SSBP2: variants seen among roughly 807,000 people sequenced by gnomAD.
SSBP2 encodes single-stranded DNA-binding protein 2.
A neutral mutation model predicts 61.8 loss-of-function variants in SSBP2; 17 were observed. The ratio of observed to expected loss-of-function variants is 0.28; its 90% CI spans 0.19 to 0.41. The LOEUF is 0.41. Ranked by LOEUF, SSBP2 falls within the 10% of genes least tolerant of loss-of-function variation. The probability of loss-of-function intolerance (pLI) is 1.00; values close to 1 mark genes in which losing one functional copy is unlikely to be tolerated. For synonymous variants in SSBP2, 139 were observed against 141.3 expected (o/e 0.98, Z 0.12); for missense variants, 310 against 458.7 (o/e 0.68, Z 2.96).
At chr5:81,501,563 C>CTTTTTTTTTTTTTTTTTTTT (rs71603598) in intron 5 of SSBP2, among the ~76,000 whole-genome samples, 3 of 117,374 alleles carry the variant, frequency 2.6e-5, no homozygotes, top group Non-Finnish European at 5.4e-5. Context: ...TCTTTCTTTT[C>CTTTTTTTTTTTTTTTTTTTT]TTTTTTTTTT....
At chr5:81,474,438 T>G in intron 7 of SSBP2, 58 bp downstream of exon 7, 1 of 1,470,292 alleles carries the variant, frequency 6.8e-7, no homozygotes, top group Non-Finnish European at 9.5e-7. Context: ...CCTTAAGAGA[T>G]AAAAGATTTC....
At chr5:81,603,590 A>G (rs1033363115) in intron 4 of SSBP2, among the ~76,000 whole-genome samples, 1 of 152,232 alleles carries the variant, frequency 6.6e-6, no homozygotes, top group African/African-American at 2.4e-5. Flanking sequence ...GTCACAATGC[A>G]TATGAAAATA....
chr5:81,433,090 A>G (rs1456660666), intron 15 of SSBP2, among the ~76,000 whole-genome samples: 1 of 151,146 alleles, frequency 6.6e-6, no homozygotes, highest in Admixed American at 6.6e-5. Context: ...CCTGGCCACC[A>G]CCCCGTCTGG....
chr5:81,542,982 G>A (rs1476111680), intron 4 of SSBP2, among the ~76,000 whole-genome samples: 1 of 152,014 alleles, frequency 6.6e-6, no homozygotes, highest in African/African-American at 2.4e-5. Context: ...AGCCTCCCGA[G>A]TAGCTGGGAT....
intron 6 of SSBP2, among the ~76,000 whole-genome samples, chr5:81,481,934 T>C (rs1766021246): frequency 2.0e-5 from 3 of 151,596 alleles, no homozygotes; most frequent in Admixed American, 2.0e-4. Context: ...ACAGGCAGAG[T>C]AGATTTAGTA....
intron 4 of SSBP2, among the ~76,000 whole-genome samples, chr5:81,595,314 A>G (rs1743600016): frequency 6.6e-6 from 1 of 152,182 alleles, no homozygotes; most frequent in Admixed American, 6.5e-5. Context: ...CTCTGAATAG[A>G]CCAATAACAG....
intron 4 of SSBP2, among the ~76,000 whole-genome samples, chr5:81,558,399 G>A (rs1581018517): frequency 1.3e-5 from 2 of 152,330 alleles, no homozygotes; most frequent in Middle Eastern, 3.4e-3. Flanking sequence ...CTGGTTTGCA[G>A]ATGGCTATCT....
rs952479870 is a variant in SSBP2, at chr5:81,575,423, C to A, written c.282+40050G>T. Among the ~76,000 whole-genome samples the A allele has an allele frequency of 2.6e-5, 4 of 152,198 alleles. No individual in the cohort carries two copies. The East Asian group carries it at 7.7e-4, about 29-fold the overall frequency. On this transcript the variant is annotated intron_variant, in intron 4 of 16. Transcript: ENST00000320672. Reference sequence around the variant, plus strand: ...GTTAAATGCATTAAAGTAGAAGGTTCTTTCATAGCACAGGAAATGGTAATA... The same window carrying A: ...GTTAAATGCATTAAAGTAGAAGGTTATTTCATAGCACAGGAAATGGTAATA...
intron 6 of SSBP2, among the ~76,000 whole-genome samples, chr5:81,476,484 A>G (rs1243601197): frequency 6.6e-6 from 1 of 152,152 alleles, no homozygotes; most frequent in Non-Finnish European, 1.5e-5. Context: ...CTTAAATTCT[A>G]CAGCATGGTG....
At position 81,414,479 on chromosome 5, in the gene SSBP2, T is replaced by C. The variant is rs538821997; in HGVS notation, c.*6025A>G. 1.3e-5 allele frequency: 2 copies of C among 152,316 alleles called. No homozygotes were observed. Among genetic ancestry groups the C allele is most frequent in the South Asian group, 4.1e-4 (2 of 4,828 alleles). The allele number at this position is 152,316 out of a possible 1,614,324, so 9.4% of individuals were successfully genotyped here. A position where few individuals can be genotyped will look rare whatever the true frequency, so the allele number is the denominator to read the frequency against. ...AAACAGGTCTCAGGTGTCTTTTTCATGGGTAGGTCACCTTATCAATCTGAA... is the reference window on the plus strand; with the variant it reads ...AAACAGGTCTCAGGTGTCTTTTTCACGGGTAGGTCACCTTATCAATCTGAA... On this transcript the variant is annotated 3_prime_UTR_variant, in exon 17 of 17. Transcript: ENST00000320672.
At chr5:81,481,697 T>C in intron 6 of SSBP2, among the ~76,000 whole-genome samples, 1 of 150,916 alleles carries the variant, frequency 6.6e-6, no homozygotes, top group East Asian at 2.0e-4. Context: ...TGTTACCTTA[T>C]ACCCAAGAAC....
At chr5:81,624,347 G>A (rs1056098464) in intron 3 of SSBP2, among the ~76,000 whole-genome samples, 3 of 152,060 alleles carry the variant, frequency 2.0e-5, no homozygotes, top group Non-Finnish European at 2.9e-5. Flanking sequence ...TAGAAAATTC[G>A]ATCACATTTT....
chr5:81,636,419 T>C, intron 3 of SSBP2, 138 bp downstream of exon 3: 1 of 589,310 alleles, frequency 1.7e-6, no homozygotes, highest in Non-Finnish European at 2.8e-6. Flanking sequence ...TTTTTAAGGG[T>C]TTTTTAAAAA....
intron 14 of SSBP2, among the ~76,000 whole-genome samples, chr5:81,438,256 C>T (rs376346894): frequency 2.1e-4 from 32 of 149,990 alleles, no homozygotes; most frequent in South Asian, 1.9e-3. Context: ...GAGGCTGAGG[C>T]GGGAAATTCA....
chr5:81,581,598 T>G (rs1774652710), intron 4 of SSBP2, among the ~76,000 whole-genome samples: 1 of 152,202 alleles, frequency 6.6e-6, no homozygotes, highest in African/African-American at 2.4e-5. Context: ...ATCTATCAGT[T>G]GTAGCTCCTT....
At chr5:81,552,077 A>T (rs1269757645) in intron 4 of SSBP2, among the ~76,000 whole-genome samples, 1 of 152,190 alleles carries the variant, frequency 6.6e-6, no homozygotes, top group African/African-American at 2.4e-5. Flanking sequence ...AAAATATTGG[A>T]TATGGCTTAT....
chr5:81,726,712 C>G lies in SSBP2; in HGVS notation c.62+24269G>C, dbSNP rs560826109. 9.2e-5 allele frequency among the ~76,000 whole-genome samples: 14 copies of G among 152,254 alleles called. No homozygotes were observed. In the East Asian group the frequency reaches 2.7e-3, roughly 29 times the overall value. On this transcript the variant is annotated intron_variant, in intron 1 of 16. Coordinates refer to ENST00000320672, the MANE Select transcript of SSBP2 (RefSeq NM_012446.5). Reference sequence around the variant, plus strand: ...AGATAAATCCTCTCTTCCAGTCACACTAGTCCTCCCTACTGCTTCCAGGAT... The same window carrying G: ...AGATAAATCCTCTCTTCCAGTCACAGTAGTCCTCCCTACTGCTTCCAGGAT...
intron 4 of SSBP2, among the ~76,000 whole-genome samples, chr5:81,537,542 T>C (rs1770905474): frequency 6.6e-6 from 1 of 152,214 alleles, no homozygotes; most frequent in Non-Finnish European, 1.5e-5. Flanking sequence ...TATTGTTTGT[T>C]TTTACAAATT....
intron 1 of SSBP2, among the ~76,000 whole-genome samples, chr5:81,728,042 G>T (rs1413387290): frequency 6.6e-6 from 1 of 152,134 alleles, no homozygotes; most frequent in South Asian, 2.1e-4. Context: ...ACTGAAAGAA[G>T]GCTATGGGGG....
Sources: gnomAD v4.1 joint callset for allele counts (sites outside exome capture counted in the v4.1 genomes callset) on GRCh38, gnomAD v4.1.1 for gene constraint, MANE v1.5 for transcripts, NCBI Gene and HGNC (gene_info 2026-07-23, HGNC 2026-07-21) for gene names.